The following SLC12A9 variants were observed in gnomAD, a reference collection of about 807,000 sequenced individuals.
SLC12A9 encodes CCC-interacting protein 1.
SLC12A9 carries 55 observed loss-of-function variants against 66.0 expected under a neutral mutation model. The observed-to-expected ratio is 0.83, with a 90% confidence interval of 0.67 to 1.04. The LOEUF is 1.04. SLC12A9 is among the 50% of genes least tolerant of loss of function. The probability of loss-of-function intolerance (pLI) is 0.00; values close to 1 mark genes in which losing one functional copy is unlikely to be tolerated. For missense variants in SLC12A9, 1,061 were observed against 1,241.9 expected, an observed-to-expected ratio of 0.85 and a Z score of 2.19; for synonymous variants, 577 against 569.0, an observed-to-expected ratio of 1.01 and a Z score of -0.20.
At position 100,847,031 on chromosome 7, in the gene SLC12A9, C is replaced by T. The variant is rs376093326; in HGVS notation, n.229-12854C>T. On this transcript the variant is annotated intron_variant and non_coding_transcript_variant, in intron 1 of 1. Transcript: ENST00000461016. ...GATCAAGACCCTCTCTTGCGCGCCC[C>T]CTGAGAGTTGTGAGCCCTTAAAAAA... Among the ~76,000 whole-genome samples, 15 of 152,268 alleles carry T rather than the reference C, an allele frequency of 9.9e-5. No individual in the cohort carries two copies. The East Asian group carries it at 2.1e-3, about 22-fold the overall frequency.
In SLC12A9 at chr7:100,859,902, A is replaced by G. The variant is rs1305114002; in HGVS notation, c.995A>G (p.Asp332Gly). ...FTCDRTLLQE[D>G]YGFFRAISLW... Reference sequence around the variant, plus strand: ...CTTCCTAGGACCCTGCTGCAGGAAGACTATGGGTTCTTCCGCGCCATCAGC... The same window carrying G: ...CTTCCTAGGACCCTGCTGCAGGAAGGCTATGGGTTCTTCCGCGCCATCAGC... The change falls in exon 8 of 14, where the codon GAC becomes GGC. Residue 332 changes from aspartate (D) to glycine (G), a missense_variant. By Grantham distance (94) the Asp-to-Gly change is moderately conservative. Transcript: ENST00000354161. The G allele has an allele frequency of 1.2e-6, 2 of 1,603,038 alleles. No individual in the cohort carries two copies. The highest frequency in any genetic ancestry group is 1.7e-6 in the Non-Finnish European group (2 of 1,170,776).
rs763469064 is a variant in SLC12A9 at position 100,860,220 on chromosome 7, G to C, written c.1206G>C (p.Trp402Cys). Residue 402 changes from tryptophan (W) to cysteine (C), a missense_variant, in exon 9 of 14, where the codon TGG becomes TGC. Trp to Cys is a radical substitution (Grantham distance 215). Transcript: ENST00000354161. ...GNPWAAVLYS[W>C]GLVQLVLLAG... ...CCTGGGCAGCTGTACTTTATTCTTGGGGCCTGGTGCAGGTGAGCCTTCTTC... is the reference window on the plus strand; with the variant it reads ...CCTGGGCAGCTGTACTTTATTCTTGCGGCCTGGTGCAGGTGAGCCTTCTTC... 2 of 1,614,082 alleles carry C rather than the reference G, an allele frequency of 1.2e-6. No individual in the cohort carries two copies. Among genetic ancestry groups the C allele is most frequent in the South Asian group, 1.1e-5 (1 of 91,078 alleles).
At chr7:100,862,570 T>C (rs900538095) in intron 12 of SLC12A9, 111 bp from the exon 13 acceptor site, 2 of 1,295,672 alleles carry the variant, frequency 1.5e-6, no homozygotes. Flanking sequence ...TCCTTTCCCA[T>C]GACCCCTCCA....
intron 1 of SLC12A9, chr7:100,827,496 C>CGGGCA (rs1813445000): frequency 6.7e-6 from 1 of 149,874 alleles, no homozygotes; most frequent in South Asian, 2.0e-4. Flanking sequence ...CGGGCCGGGC[C>CGGGCA]GGGCAGGGGC....
At chr7:100,840,996 A>G (rs1813777087) in intron 1 of SLC12A9, among the ~76,000 whole-genome samples, 1 of 150,438 alleles carries the variant, frequency 6.6e-6, no homozygotes, top group African/African-American at 2.5e-5. Flanking sequence ...TAACAACAAA[A>G]AAAAAGTAAA....
upstream of SLC12A9, among the ~76,000 whole-genome samples, chr7:100,850,234 ATTCC>A (rs1294336948): frequency 2.0e-4 from 16 of 80,592 alleles, no homozygotes; most frequent in East Asian, 4.3e-3. Flanking sequence ...TCCTTCCTTC[ATTCC>A]TTCCTTCCTT....
chr7:100,857,553 G>C (rs1026258262), intron 5 of SLC12A9: 1 of 214,082 alleles, frequency 4.7e-6, no homozygotes, highest in South Asian at 1.0e-4. Flanking sequence ...GAGGTGGCCT[G>C]AGATAGACAG....
At position 100,865,948 on chromosome 7, in the gene SLC12A9, T is replaced by G; in HGVS notation, c.2088T>G (p.Asn696Lys). The change falls in exon 14 of 14, where the codon AAT (asparagine) becomes AAG (lysine). Residue 696 changes from asparagine to lysine, a missense_variant. Physicochemically the swap from Asn to Lys is moderately conservative, Grantham distance 94. Transcript: ENST00000354161. ...TVADALKMNKNVVLARASGAL... is the reference protein window; with the variant it reads ...TVADALKMNKKVVLARASGAL... ...CCGACGCCCTCAAGATGAACAAGAA[T>G]GTGGTGCTGGCCCGGGCCAGCGGGG... The G allele has an allele frequency of 1.9e-6, 3 of 1,612,586 alleles. No individual in the cohort carries two copies. The highest frequency in any genetic ancestry group is 2.5e-6 in the Non-Finnish European group (3 of 1,179,608).
chr7:100,828,009 G>C (rs1813461892), intron 1 of SLC12A9, among the ~76,000 whole-genome samples: 1 of 152,232 alleles, frequency 6.6e-6, no homozygotes, highest in South Asian at 2.1e-4. Context: ...ACTGCGTTTT[G>C]GGGGAAAAGG....
upstream of SLC12A9, among the ~76,000 whole-genome samples, chr7:100,851,425 G>GTTT (rs1212494855): frequency 2.2e-5 from 3 of 135,644 alleles, no homozygotes; most frequent in Non-Finnish European, 3.2e-5. Flanking sequence ...CCCTGAAAAA[G>GTTT]TTTTTTTTTT....
Position 100,861,364 on chromosome 7 carries a change from C to T in SLC12A9, c.1344-28C>T. ...CTCGTGTGCGGCCTGCCCTGAGTTT[C>T]TGTCCCTCCTCCCCTCCATGCCCGC... On this transcript the variant is annotated intron_variant, in intron 10 of 13. Transcript: ENST00000354161. This position sits in a 1 kb window ranked among gnomAD's most constrained non-coding sequence, Gnocchi z 5.3. The T allele has an allele frequency of 1.2e-6, 2 of 1,611,944 alleles. No homozygotes were observed. The highest frequency in any genetic ancestry group is 1.7e-6 in the Non-Finnish European group (2 of 1,178,520).
intron 1 of SLC12A9, among the ~76,000 whole-genome samples, chr7:100,839,421 A>T (rs929543422): frequency 6.6e-6 from 1 of 151,940 alleles, no homozygotes; most frequent in African/African-American, 2.4e-5. Context: ...TTCCTTCTTT[A>T]ACTCAGTGTC....
At chr7:100,859,257 C>T in intron 7 of SLC12A9, 96 bp downstream of exon 7, 2 of 1,231,002 alleles carry the variant, frequency 1.6e-6, no homozygotes, top group Non-Finnish European at 2.3e-6. Flanking sequence ...AAGCAGAAAC[C>T]CAGCTTGTTG....
chr7:100,865,589 GA>G, intron 13 of SLC12A9, 129 bp from the exon 14 acceptor site: 4 of 1,571,210 alleles, frequency 2.5e-6, no homozygotes, highest in Non-Finnish European at 3.5e-6. Context: ...GTTGCCGTAA[GA>G]GCCCGTACAC....
intron 9 of SLC12A9, chr7:100,860,584 T>A: frequency 2.7e-6 from 1 of 370,532 alleles, no homozygotes; most frequent in Admixed American, 4.4e-5. Flanking sequence ...TGGCACTCTG[T>A]GGGATGTACC....
At chr7:100,827,914 C>T (rs1813459964) in intron 1 of SLC12A9, among the ~76,000 whole-genome samples, 1 of 152,224 alleles carries the variant, frequency 6.6e-6, no homozygotes, top group South Asian at 2.1e-4. Context: ...AAATGTTCAC[C>T]GCGCACACAA....
chr7:100,857,267 G>A, intron 5 of SLC12A9, 91 bp downstream of exon 5: 4 of 1,383,932 alleles, frequency 2.9e-6, no homozygotes, highest in Non-Finnish European at 3.0e-6. Flanking sequence ...GAGCACAGGT[G>A]TCAGAGGGAA....
Position 100,856,867 on chromosome 7 carries a change from G to C in SLC12A9, c.449-1G>C. ...CTAACTCTGTCCCTACCTCTCTCCA[G>C]ATGCCACAGGGCCCAGTGGGCTCCG... On this transcript the variant is annotated splice_acceptor_variant, in intron 4 of 13. Coordinates refer to ENST00000354161, the MANE Select transcript of SLC12A9 (RefSeq NM_020246.4). LOFTEE classifies it high-confidence loss of function. 6.3e-7 allele frequency: 1 copy of C among 1,586,122 alleles called. No homozygotes were observed. The highest frequency in any genetic ancestry group is 8.6e-7 in the Non-Finnish European group (1 of 1,167,800).
chr7:100,848,674 C>A (rs972643915), upstream of SLC12A9, among the ~76,000 whole-genome samples: 2 of 151,914 alleles, frequency 1.3e-5, no homozygotes, highest in Non-Finnish European at 2.9e-5. Flanking sequence ...ATCACGAGGT[C>A]AGGAGATCGA....
Sources: gnomAD v4.1 joint callset for allele counts (sites outside exome capture counted in the v4.1 genomes callset) on GRCh38, gnomAD v4.1.1 for gene constraint, Gnocchi (gnomAD v3.1) non-coding constraint, MANE v1.5 for transcripts, NCBI Gene and HGNC (gene_info 2026-07-23, HGNC 2026-07-21) for gene names.